CDK14: variants seen among roughly 807,000 people sequenced by gnomAD.
The protein encoded by CDK14 is cyclin dependent kinase 14.
CDK14 carries 34 observed loss-of-function variants against 60.7 expected under a neutral mutation model. The ratio of observed to expected loss-of-function variants is 0.56; its 90% CI spans 0.43 to 0.75. The LOEUF (loss-of-function observed/expected upper bound fraction) is 0.75, where lower values mean the gene tolerates loss of function less well. Among genes scored for constraint, CDK14 ranks in the 30% least tolerant of loss-of-function variants. CDK14 has a pLI of 0.00. For synonymous variants in CDK14, 197 were observed against 203.7 expected (o/e 0.97, Z 0.28); for missense variants, 482 against 564.1 (o/e 0.85, Z 1.47).
chr7:90,658,196 T>C (rs1032653148), intron 2 of CDK14, among the ~76,000 whole-genome samples: 1 of 152,188 alleles, frequency 6.6e-6, no homozygotes, highest in East Asian at 1.9e-4. Flanking sequence ...TCACGCACCA[T>C]CTTAGTCTAT....
intron 10 of CDK14, among the ~76,000 whole-genome samples, chr7:90,994,805 A>T (rs1044977637): frequency 2.6e-5 from 4 of 152,196 alleles, no homozygotes; most frequent in African/African-American, 9.7e-5. Flanking sequence ...ACTGAAAAAG[A>T]TGGCGAAATA....
chr7:91,075,742 C>T (rs1798285092), intron 11 of CDK14, among the ~76,000 whole-genome samples: 2 of 152,178 alleles, frequency 1.3e-5, no homozygotes, highest in African/African-American at 4.8e-5. Flanking sequence ...CCAAAAACTT[C>T]TTAAGCTGAT....
At chr7:91,063,429 G>A (rs73398976) in intron 11 of CDK14, among the ~76,000 whole-genome samples, 2,207 of 152,248 alleles carry the variant, frequency 0.014, 51 homozygotes, top group African/African-American at 0.05. Flanking sequence ...TTTCCTTCAC[G>A]TACACTGTCC....
At chr7:91,126,834 T>C (rs1050396954) in intron 14 of CDK14, among the ~76,000 whole-genome samples, 4 of 152,152 alleles carry the variant, frequency 2.6e-5, no homozygotes, top group Admixed American at 6.6e-5. Context: ...TCGCTTTTCT[T>C]TTTTTTATTT....
At chr7:90,724,988 C>T (rs926924845) in intron 2 of CDK14, among the ~76,000 whole-genome samples, 1 of 152,086 alleles carries the variant, frequency 6.6e-6, no homozygotes, top group African/African-American at 2.4e-5. Context: ...TTAAAAATAT[C>T]TTCAGCTGTT....
intron 6 of CDK14, among the ~76,000 whole-genome samples, chr7:90,894,236 C>G (rs1182064332): frequency 6.6e-6 from 1 of 152,038 alleles, no homozygotes; most frequent in Non-Finnish European, 1.5e-5. Context: ...GAAAATTGAA[C>G]TAGGATTGTC....
intron 12 of CDK14, among the ~76,000 whole-genome samples, chr7:91,084,699 G>GT (rs1798582152): frequency 6.6e-6 from 1 of 152,176 alleles, no homozygotes; most frequent in Admixed American, 6.5e-5. Flanking sequence ...TTGGACACGC[G>GT]TTTTTTGATC....
At chr7:91,178,174 G>C (rs1801845225) in intron 14 of CDK14, among the ~76,000 whole-genome samples, 1 of 40,502 alleles carries the variant, frequency 2.5e-5, no homozygotes, top group Non-Finnish European at 5.3e-5. Flanking sequence ...ACAACTATCT[G>C]ATCTTTGACA....
chr7:90,749,512 G>A (rs1371679544), intron 4 of CDK14, among the ~76,000 whole-genome samples: 4 of 151,786 alleles, frequency 2.6e-5, no homozygotes, highest in Non-Finnish European at 4.4e-5. Flanking sequence ...AGAGACCATG[G>A]TGCAGCTAGG....
chr7:90,829,688 A>G (rs1401105140), intron 5 of CDK14, among the ~76,000 whole-genome samples: 2 of 152,108 alleles, frequency 1.3e-5, no homozygotes, highest in Non-Finnish European at 2.9e-5. Flanking sequence ...GCATGCCACC[A>G]CAACCGGCTA....
chr7:90,745,313 C>G (rs1043106315), intron 3 of CDK14, among the ~76,000 whole-genome samples: 2 of 152,102 alleles, frequency 1.3e-5, no homozygotes, highest in Non-Finnish European at 2.9e-5. Flanking sequence ...GAGGGACCGT[C>G]TTGAGTATAG....
chr7:90,862,810 T>C (rs1791051792), intron 5 of CDK14, among the ~76,000 whole-genome samples: 1 of 152,180 alleles, frequency 6.6e-6, no homozygotes, highest in African/African-American at 2.4e-5. Context: ...TTTTCCCTGA[T>C]CATAATGAAA....
intron 6 of CDK14, among the ~76,000 whole-genome samples, chr7:90,888,264 C>A (rs6942920): frequency 0.59 from 89,897 of 151,774 alleles, 26,829 homozygotes; most frequent in East Asian, 0.73. Flanking sequence ...GCAGGAGAAT[C>A]GCTTGAACCC....
intron 2 of CDK14, among the ~76,000 whole-genome samples, chr7:90,695,742 A>T (rs1194324620): frequency 6.6e-6 from 1 of 152,162 alleles, no homozygotes; most frequent in Non-Finnish European, 1.5e-5. Flanking sequence ...GAATATCTGG[A>T]GGAAGAATGT....
intron 2 of CDK14, among the ~76,000 whole-genome samples, chr7:90,716,715 G>A (rs896390556): frequency 2.6e-5 from 4 of 152,010 alleles, no homozygotes; most frequent in African/African-American, 9.7e-5. Context: ...TTTGAGATAA[G>A]TTTGAGTAAA....
chr7:91,158,185 A>T (rs1270466097), intron 14 of CDK14, among the ~76,000 whole-genome samples: 1 of 148,244 alleles, frequency 6.7e-6, no homozygotes, highest in Non-Finnish European at 1.5e-5. Flanking sequence ...AAATATACAT[A>T]AAATATATAT....
intron 10 of CDK14, among the ~76,000 whole-genome samples, chr7:91,032,488 G>A (rs923388540): frequency 3.3e-5 from 5 of 152,140 alleles, no homozygotes; most frequent in South Asian, 2.1e-4. Flanking sequence ...GGTAATTATC[G>A]TTGAGTATCC....
At chr7:91,009,374 C>T (rs1191614452) in intron 10 of CDK14, among the ~76,000 whole-genome samples, 1 of 152,074 alleles carries the variant, frequency 6.6e-6, no homozygotes, top group Admixed American at 6.6e-5. Flanking sequence ...GTTTTGTCTT[C>T]CGTTGGATTC....
intron 2 of CDK14, among the ~76,000 whole-genome samples, chr7:90,630,157 T>A (rs1488691095): frequency 1.3e-5 from 2 of 152,220 alleles, no homozygotes; most frequent in Non-Finnish European, 2.9e-5. Flanking sequence ...CAACTATATT[T>A]ATGTATGTCC....
Sources: gnomAD v4.1 joint callset for allele counts (sites outside exome capture counted in the v4.1 genomes callset) on GRCh38, gnomAD v4.1.1 for gene constraint, MANE v1.5 for transcripts, NCBI Gene and HGNC (gene_info 2026-07-23, HGNC 2026-07-21) for gene names.